The following NEMP2 variants were observed in gnomAD, a reference collection of about 807,000 sequenced individuals.
The protein encoded by NEMP2 is UPF0571 transmembrane protein.
In NEMP2, 53 loss-of-function variants were observed where a neutral mutation model predicts 54.2. That is an observed-to-expected ratio of 0.98 (90% CI 0.78 to 1.23). The LOEUF (loss-of-function observed/expected upper bound fraction) is 1.23. NEMP2 is among the 50% of genes most tolerant of loss of function. NEMP2 has a pLI of 0.00. For missense variants in NEMP2, 455 were observed against 511.3 expected (o/e 0.89, Z 1.06); for synonymous variants, 197 against 190.3 (o/e 1.04, Z -0.29).
Position 190,514,615 on chromosome 2 carries a change from T to C in NEMP2, c.791A>G (p.Asp264Gly). The C allele has an allele frequency of 6.4e-7, 1 of 1,551,678 alleles. No homozygotes were observed. The highest frequency in any genetic ancestry group is 8.7e-7 in the Non-Finnish European group (1 of 1,146,998). ...VVCYKHGPLADDRSRSLLMWM... is the reference protein window; with the variant it reads ...VVCYKHGPLAGDRSRSLLMWM... ...CATCAGAAGACTTCTGCTCCTGTCG[T>C]CTGCAAGGGGCCCATGCTTGTAACA... Residue 264 changes from aspartate to glycine, a missense_variant, in exon 7 of 9, where the codon GAC (aspartate) becomes GGC (glycine). Coordinates refer to ENST00000409150, the MANE Select transcript of NEMP2 (RefSeq NM_001142645.2). This position sits in a 1 kb window ranked among gnomAD's most constrained non-coding sequence, Gnocchi z 5.7.
At chr2:190,548,575 A>G in the NEMP2 span, among the ~76,000 whole-genome samples, 2 of 152,178 alleles carry the variant, frequency 1.3e-5, no homozygotes, top group Non-Finnish European at 2.9e-5. Flanking sequence ...TTTGCTGTAT[A>G]TAGTAAGTAC....
chr2:190,613,360 A>G, the NEMP2 span, among the ~76,000 whole-genome samples: 6 of 152,070 alleles, frequency 3.9e-5, no homozygotes, highest in East Asian at 1.2e-3. Context: ...TATTTATTAA[A>G]AACAAGCTAT....
At chr2:190,589,353 G>C in the NEMP2 span, among the ~76,000 whole-genome samples, 1 of 152,160 alleles carries the variant, frequency 6.6e-6, no homozygotes, top group East Asian at 1.9e-4. This position sits in a 1 kb window ranked among gnomAD's most constrained non-coding sequence, Gnocchi z 4.3. Context: ...TTTCTGACGT[G>C]ATATTCCTAT....
chr2:190,436,642 A>G, the NEMP2 span: 730,405 of 1,613,882 alleles, frequency 0.45, 168,758 homozygotes, highest in Admixed American at 0.68. This position sits in a 1 kb window ranked among gnomAD's most constrained non-coding sequence, Gnocchi z 5.3. Context: ...TTTGGAAACA[A>G]GGCTCAATGT....
chr2:190,541,920 C>T, the NEMP2 span, among the ~76,000 whole-genome samples: 2 of 151,786 alleles, frequency 1.3e-5, no homozygotes, highest in Admixed American at 1.3e-4. The surrounding 1 kb of genome is among the most constrained non-coding windows in gnomAD (Gnocchi z 5.2). Context: ...CCATTTCCTC[C>T]TGGCCTGTAT....
At chr2:190,454,680 GAAAT>G in the NEMP2 span, among the ~76,000 whole-genome samples, 1 of 152,022 alleles carries the variant, frequency 6.6e-6, no homozygotes, top group African/African-American at 2.4e-5. This position sits in a 1 kb window ranked among gnomAD's most constrained non-coding sequence, Gnocchi z 4.6. Context: ...AGAACTATAA[GAAAT>G]AAATGTCTAT....
At chr2:190,486,711 T>TA in the NEMP2 span, among the ~76,000 whole-genome samples, 1 of 152,254 alleles carries the variant, frequency 6.6e-6, no homozygotes, top group South Asian at 2.1e-4. Context: ...GATCAAATTT[T>TA]AAAAGAATTT....
the NEMP2 span, among the ~76,000 whole-genome samples, chr2:190,458,995 T>G: frequency 2.6e-5 from 4 of 152,236 alleles, no homozygotes; most frequent in African/African-American, 9.6e-5. The surrounding 1 kb of genome is among the most constrained non-coding windows in gnomAD (Gnocchi z 5.3). Flanking sequence ...TTGTACTGAC[T>G]GCTCCCAAGT....
At chr2:190,486,192 C>G in the NEMP2 span, among the ~76,000 whole-genome samples, 1 of 152,238 alleles carries the variant, frequency 6.6e-6, no homozygotes, top group African/African-American at 2.4e-5. Flanking sequence ...GTTGAGTACT[C>G]TACCAATCCT....
chr2:190,570,098 T>C, the NEMP2 span, among the ~76,000 whole-genome samples: 14 of 152,356 alleles, frequency 9.2e-5, no homozygotes, highest in East Asian at 2.5e-3. The surrounding 1 kb of genome is among the most constrained non-coding windows in gnomAD (Gnocchi z 5.4). Flanking sequence ...CCCAGTGTTG[T>C]ACAATTATGA....
At chr2:190,646,898 T>A in the NEMP2 span, 1 of 152,248 alleles carries the variant, frequency 6.6e-6, no homozygotes, top group East Asian at 1.9e-4. Context: ...TCCGTGATTA[T>A]ACATCTTTAC....
chr2:190,602,026 C>T, the NEMP2 span, among the ~76,000 whole-genome samples: 1 of 152,114 alleles, frequency 6.6e-6, no homozygotes, highest in Non-Finnish European at 1.5e-5. Flanking sequence ...AATGAACACA[C>T]AGATAAAACC....
At chr2:190,516,435 T>A (rs1690559887) in intron 5 of NEMP2, 51 bp from the exon 6 acceptor site, 2 of 1,328,064 alleles carry the variant, frequency 1.5e-6, no homozygotes, top group Non-Finnish European at 1.0e-6. Context: ...TTCACTCTCA[T>A]AAAAATAAAA....
chr2:190,632,274 T>C, the NEMP2 span, among the ~76,000 whole-genome samples: 1 of 152,230 alleles, frequency 6.6e-6, no homozygotes, highest in Non-Finnish European at 1.5e-5. This position sits in a 1 kb window ranked among gnomAD's most constrained non-coding sequence, Gnocchi z 4.8. Flanking sequence ...TTGCTGCATC[T>C]GGCCCTGCCT....
At chr2:190,474,839 C>A in the NEMP2 span, among the ~76,000 whole-genome samples, 5 of 152,160 alleles carry the variant, frequency 3.3e-5, no homozygotes, top group African/African-American at 9.7e-5. Context: ...CAAACCGAAT[C>A]CAGCAGCACA....
rs917542947 is a variant in NEMP2, at chr2:190,522,104, T to C, written c.214-2921A>G. On this transcript the variant is annotated intron_variant, in intron 2 of 8. Transcript: ENST00000409150. The surrounding 1 kb of genome is among the most constrained non-coding windows in gnomAD (Gnocchi z 5.0). ...GAGGGAGGAGGGAAAGTGACACTTA[T>C]CTGAAAATACCTTTGTATAGAGTTT... 4.6e-5 allele frequency among the ~76,000 whole-genome samples: 7 copies of C among 152,198 alleles called. No homozygotes were observed. The highest frequency in any genetic ancestry group is 6.5e-5 in the Admixed American group (1 of 15,276).
At chr2:190,491,242 A>T in the NEMP2 span, among the ~76,000 whole-genome samples, 2 of 152,200 alleles carry the variant, frequency 1.3e-5, no homozygotes, top group African/African-American at 4.8e-5. The surrounding 1 kb of genome is among the most constrained non-coding windows in gnomAD (Gnocchi z 4.2). Context: ...AGAGACTGTT[A>T]TTGGGAAAAT....
chr2:190,485,773 A>G, the NEMP2 span, among the ~76,000 whole-genome samples: 16 of 151,856 alleles, frequency 1.1e-4, no homozygotes, highest in East Asian at 2.3e-3. The surrounding 1 kb of genome is among the most constrained non-coding windows in gnomAD (Gnocchi z 5.1). Flanking sequence ...TGTGTATGCT[A>G]CTGCTAATCA....
rs1340109990 is a variant in NEMP2, at chr2:190,529,639, T to C, written c.98-4261A>G. Among the ~76,000 whole-genome samples the C allele has an allele frequency of 6.6e-6, 1 of 152,242 alleles. No individual in the cohort carries two copies. Among genetic ancestry groups the C allele is most frequent in the Non-Finnish European group, 1.5e-5 (1 of 68,046 alleles). ...CAGGGACATTGCATGTTTATCACTGTAACCCCCAGAACTTAAATATTTATC... is the reference window on the plus strand; with the variant it reads ...CAGGGACATTGCATGTTTATCACTGCAACCCCCAGAACTTAAATATTTATC... On this transcript the variant is annotated intron_variant, in intron 1 of 8. Transcript: ENST00000409150. The surrounding 1 kb of genome is among the most constrained non-coding windows in gnomAD (Gnocchi z 4.7).
Sources: gnomAD v4.1 joint callset for allele counts (sites outside exome capture counted in the v4.1 genomes callset) on GRCh38, gnomAD v4.1.1 for gene constraint, Gnocchi (gnomAD v3.1) non-coding constraint, MANE v1.5 for transcripts, NCBI Gene and HGNC (gene_info 2026-07-23, HGNC 2026-07-21) for gene names.